PEAK1: variants seen among roughly 807,000 people sequenced by gnomAD.
The protein encoded by PEAK1 is pseudopodium enriched atypical kinase 1.
Under a neutral mutation model 124.7 loss-of-function variants are expected in PEAK1, and 54 were observed. The ratio of observed to expected loss-of-function variants is 0.43; its 90% confidence interval spans 0.35 to 0.54. The LOEUF (loss-of-function observed/expected upper bound fraction) is 0.54. PEAK1 is among the 20% of genes least tolerant of loss of function. The pLI is 0.01. For missense variants in PEAK1, 2,046 were observed against 2,134.5 expected (o/e 0.96, Z 0.82); for synonymous variants, 719 against 760.0 (o/e 0.95, Z 0.89).
At chr15:77,410,178 C>T (rs2072285639) in intron 1 of PEAK1, among the ~76,000 whole-genome samples, 1 of 151,800 alleles carries the variant, frequency 6.6e-6, no homozygotes, top group Non-Finnish European at 1.5e-5. Flanking sequence ...ACCTCTGCCT[C>T]CCAGGTTCAA....
intron 6 of PEAK1, among the ~76,000 whole-genome samples, chr15:77,184,988 G>C (rs1472871593): frequency 6.6e-6 from 1 of 152,178 alleles, no homozygotes; most frequent in Non-Finnish European, 1.5e-5. Context: ...CTGCTATGTA[G>C]AAAATGGACT....
Position 77,181,250 on chromosome 15 carries a change from C to T in PEAK1, c.677G>A (p.Cys226Tyr). The T allele has an allele frequency of 2.5e-6, 4 of 1,613,904 alleles. No homozygotes were observed. The highest frequency in any genetic ancestry group is 3.4e-6 in the Non-Finnish European group (4 of 1,180,016). The change falls in exon 7 of 10, where the codon TGT (cysteine) becomes TAT (tyrosine). Residue 226 changes from cysteine (C) to tyrosine (Y), a missense_variant. Cys to Tyr is a radical substitution (Grantham distance 194, BLOSUM62 -2). Transcript: ENST00000682557. ...CTCGCCACTGGAAAACTCTGGGTAACAGAACCGGCCCCCTTCATTACTAAT... is the reference window on the plus strand; with the variant it reads ...CTCGCCACTGGAAAACTCTGGGTAATAGAACCGGCCCCCTTCATTACTAAT... ...EVISNEGGRF[C>Y]YPEFSSGEES...
intron 2 of PEAK1, chr15:77,333,245 A>G (rs985202950): frequency 4.3e-6 from 4 of 923,336 alleles, no homozygotes; most frequent in South Asian, 5.0e-5. Flanking sequence ...TCAGCCTCCT[A>G]AAGTGCTGGG....
At chr15:77,294,012 G>A (rs947919633) in intron 2 of PEAK1, among the ~76,000 whole-genome samples, 1 of 152,104 alleles carries the variant, frequency 6.6e-6, no homozygotes, top group Non-Finnish European at 1.5e-5. Context: ...TTAGATATAA[G>A]CATTACCTCT....
chr15:77,315,838 T>G (rs755879757), intron 2 of PEAK1, among the ~76,000 whole-genome samples: 18 of 151,802 alleles, frequency 1.2e-4, no homozygotes, highest in Non-Finnish European at 2.4e-4. Flanking sequence ...AAGAGAAGAA[T>G]AAGAAGACCT....
chr15:77,396,826 A>G (rs1252683236), intron 1 of PEAK1, among the ~76,000 whole-genome samples: 2 of 152,108 alleles, frequency 1.3e-5, no homozygotes, highest in Non-Finnish European at 2.9e-5. Flanking sequence ...GAGAGAGAGA[A>G]AAGTAGAGTT....
intron 2 of PEAK1, among the ~76,000 whole-genome samples, chr15:77,363,093 T>G (rs1223156588): frequency 2.6e-5 from 4 of 152,088 alleles, no homozygotes; most frequent in African/African-American, 9.7e-5. Flanking sequence ...TTACCTCAGG[T>G]GATCCACCTG....
intron 1 of PEAK1, among the ~76,000 whole-genome samples, chr15:77,389,323 TTTCTAA>T (rs1462316023): frequency 6.6e-6 from 1 of 152,194 alleles, no homozygotes; most frequent in Non-Finnish European, 1.5e-5. Context: ...GGGATTCAGC[TTTCTAA>T]TTCTGAGCAA....
chr15:77,111,191 G>A lies in PEAK1; in HGVS notation c.*2965C>T, dbSNP rs1271868749. On this transcript the variant is annotated 3_prime_UTR_variant, in exon 10 of 10. Coordinates refer to ENST00000682557, the MANE Select transcript of PEAK1 (RefSeq NM_001385026.1). ...AAGGCAATAACTTCCTGTTACTTGA[G>A]AAAATGTAAAGTGCTATACTAGTCA... 2 of 152,188 alleles carry A rather than the reference G, an allele frequency of 1.3e-5. No homozygotes were observed. The highest frequency in any genetic ancestry group is 2.9e-5 in the Non-Finnish European group (2 of 68,034). The allele number at this position is 152,188 out of a possible 1,614,324, so 9.4% of individuals were successfully genotyped here. A position where few individuals can be genotyped will look rare whatever the true frequency, so the allele number is the denominator to read the frequency against.
chr15:77,187,587 C>T (rs1362146569), intron 6 of PEAK1, among the ~76,000 whole-genome samples: 1 of 152,112 alleles, frequency 6.6e-6, no homozygotes, highest in Non-Finnish European at 1.5e-5. Flanking sequence ...ACCATATATA[C>T]AGCATTTCCT....
intron 2 of PEAK1, among the ~76,000 whole-genome samples, chr15:77,354,003 A>G (rs2067351670): frequency 6.6e-6 from 1 of 152,154 alleles, no homozygotes; most frequent in Admixed American, 6.5e-5. Context: ...CTAAATCTAA[A>G]TGTCCCTGAG....
At chr15:77,327,224 TATATTA>T (rs2065633981) in intron 2 of PEAK1, among the ~76,000 whole-genome samples, 1 of 152,172 alleles carries the variant, frequency 6.6e-6, no homozygotes, top group Non-Finnish European at 1.5e-5. Context: ...TGGTAATTAG[TATATTA>T]ATGTTTTAAT....
chr15:77,362,799 T>C (rs1489347932), intron 2 of PEAK1, among the ~76,000 whole-genome samples: 3 of 152,262 alleles, frequency 2.0e-5, no homozygotes, highest in South Asian at 4.2e-4. Context: ...AAATGAAATA[T>C]GGCATATAGA....
rs1039427101 is a variant in PEAK1 at position 77,404,395 on chromosome 15, G to A, written c.-666+15611C>T. 4 of 892,714 alleles carry A rather than the reference G, an allele frequency of 4.5e-6. No homozygotes were observed. The African/African-American group carries it at 7.2e-5, about 16-fold the overall frequency. The allele number at this position is 892,714 out of a possible 1,614,324, so 55.3% of individuals were successfully genotyped here. A position where few individuals can be genotyped will look rare whatever the true frequency, so the allele number is the denominator to read the frequency against. On this transcript the variant is annotated intron_variant, in intron 1 of 9. Transcript: ENST00000682557. ...AAATGCAGCCAGTCTGAAGTGAAATGTGCTTTAAGTGGAAAATATACATTG... is the reference window on the plus strand; with the variant it reads ...AAATGCAGCCAGTCTGAAGTGAAATATGCTTTAAGTGGAAAATATACATTG...
intron 2 of PEAK1, among the ~76,000 whole-genome samples, chr15:77,313,680 GTGTGTGTGTGTGTATATATATATATGTA>G (rs1451237336): frequency 4.2e-5 from 5 of 117,834 alleles, no homozygotes; most frequent in African/African-American, 2.0e-4. Context: ...GTGTGTGTGT[GTGTGTGTGTGTGTATATATATATATGTA>G]TGTGTGTGTG....
chr15:77,160,851 G>A (rs563511430), intron 7 of PEAK1, among the ~76,000 whole-genome samples: 1 of 152,230 alleles, frequency 6.6e-6, no homozygotes, highest in South Asian at 2.1e-4. Flanking sequence ...AAAAGAAAGT[G>A]TTCCTTCCCA....
chr15:77,316,247 A>G (rs894078000), intron 2 of PEAK1, among the ~76,000 whole-genome samples: 7 of 152,194 alleles, frequency 4.6e-5, no homozygotes, highest in Non-Finnish European at 8.8e-5. Flanking sequence ...AATGATAAAT[A>G]CATGTTCACC....
chr15:77,395,407 A>T (rs1206309136), intron 1 of PEAK1, among the ~76,000 whole-genome samples: 1 of 152,224 alleles, frequency 6.6e-6, no homozygotes, highest in African/African-American at 2.4e-5. Flanking sequence ...GGGATAACAG[A>T]AGACTTCCCA....
At chr15:77,162,299 G>A (rs2055721327) in intron 7 of PEAK1, among the ~76,000 whole-genome samples, 1 of 151,862 alleles carries the variant, frequency 6.6e-6, no homozygotes, top group Admixed American at 6.6e-5. Flanking sequence ...TTCGAGATCA[G>A]CCTGGCTAAC....
Sources: gnomAD v4.1 joint callset for allele counts (sites outside exome capture counted in the v4.1 genomes callset) on GRCh38, gnomAD v4.1.1 for gene constraint, MANE v1.5 for transcripts, NCBI Gene and HGNC (gene_info 2026-07-23, HGNC 2026-07-21) for gene names.